Variants in ERBB4 observed in about 807,000 individuals in gnomAD.
ERBB4 encodes receptor tyrosine-protein kinase erbB-4.
Under a neutral mutation model 158.0 loss-of-function variants are expected in ERBB4, and 42 were observed. The ratio of observed to expected loss-of-function variants is 0.27; its 90% CI spans 0.21 to 0.34. ERBB4 has a LOEUF of 0.34. ERBB4 is among the 10% of genes least tolerant of loss of function. ERBB4 has a pLI of 1.00. For missense variants in ERBB4, 1,333 were observed against 1,624.1 expected, an observed-to-expected ratio of 0.82 and a Z score of 3.08; for synonymous variants, 583 against 558.7, an observed-to-expected ratio of 1.04 and a Z score of -0.61.
At chr2:212,395,882 G>C (rs921753409) in intron 1 of ERBB4, among the ~76,000 whole-genome samples, 2 of 152,084 alleles carry the variant, frequency 1.3e-5, no homozygotes, top group Non-Finnish European at 2.9e-5. Context: ...CTCCCAAAGT[G>C]ATGGGATTAC....
chr2:212,371,010 A>C (rs1444310825), intron 1 of ERBB4, among the ~76,000 whole-genome samples: 1 of 152,188 alleles, frequency 6.6e-6, no homozygotes, highest in South Asian at 2.1e-4. Context: ...GAAGAATCTC[A>C]AGATGACTAA....
At chr2:212,517,197 T>C (rs1268437949) in intron 1 of ERBB4, among the ~76,000 whole-genome samples, 1 of 152,162 alleles carries the variant, frequency 6.6e-6, no homozygotes, top group African/African-American at 2.4e-5. Flanking sequence ...TTCCTTTCTT[T>C]ATACAACATT....
chr2:211,860,986 T>C (rs1157339609), intron 3 of ERBB4, among the ~76,000 whole-genome samples: 2 of 86,258 alleles, frequency 2.3e-5, no homozygotes, highest in East Asian at 5.9e-4. Flanking sequence ...AAATATATTA[T>C]ATAATATAAT....
intron 20 of ERBB4, among the ~76,000 whole-genome samples, chr2:211,561,246 G>T (rs202206621): frequency 3.9e-5 from 6 of 152,092 alleles, no homozygotes; most frequent in African/African-American, 1.4e-4. Flanking sequence ...AAAAAATCCA[G>T]AATTCTGGCC....
chr2:212,486,280 A>G (rs1689975560), intron 1 of ERBB4, among the ~76,000 whole-genome samples: 1 of 151,510 alleles, frequency 6.6e-6, no homozygotes, highest in Non-Finnish European at 1.5e-5. Context: ...AAAAACATAA[A>G]ACACATGAAG....
chr2:212,080,331 A>C, intron 2 of ERBB4, among the ~76,000 whole-genome samples: 1 of 151,402 alleles, frequency 6.6e-6, no homozygotes, highest in Non-Finnish European at 1.5e-5. Flanking sequence ...TAAGAATAAA[A>C]ATAAAAATTA....
At chr2:212,178,293 T>TTA (rs2081741811) in intron 1 of ERBB4, among the ~76,000 whole-genome samples, 1 of 151,570 alleles carries the variant, frequency 6.6e-6, no homozygotes, top group Non-Finnish European at 1.5e-5. Flanking sequence ...ATGTTTAAGG[T>TTA]TTTATTTTGG....
intron 3 of ERBB4, among the ~76,000 whole-genome samples, chr2:211,891,477 TA>T (rs2078967330): frequency 8.8e-6 from 1 of 113,570 alleles, no homozygotes. Flanking sequence ...ATTGACACCC[TA>T]ACATCACAAT....
intron 3 of ERBB4, among the ~76,000 whole-genome samples, chr2:211,798,147 G>T (rs1269960923): frequency 6.6e-6 from 1 of 151,704 alleles, no homozygotes; most frequent in Non-Finnish European, 1.5e-5. Context: ...CTTCATTCCA[G>T]TCAATACTGC....
intron 3 of ERBB4, among the ~76,000 whole-genome samples, chr2:211,906,869 C>A (rs1321052171): frequency 6.6e-6 from 1 of 151,510 alleles, no homozygotes. Flanking sequence ...TAATAAAAGG[C>A]CTCCTGTGTT....
At chr2:212,000,031 T>C (rs1178942475) in intron 2 of ERBB4, among the ~76,000 whole-genome samples, 1 of 151,816 alleles carries the variant, frequency 6.6e-6, no homozygotes, top group East Asian at 1.9e-4. Flanking sequence ...CTTTCTAAAG[T>C]ATATTGTCAC....
At chr2:211,426,953 C>A (rs2063641650) in intron 22 of ERBB4, among the ~76,000 whole-genome samples, 1 of 151,842 alleles carries the variant, frequency 6.6e-6, no homozygotes, top group East Asian at 1.9e-4. Flanking sequence ...TTTTTCTATA[C>A]ACTTCTTACA....
intron 3 of ERBB4, among the ~76,000 whole-genome samples, chr2:211,923,216 G>A (rs1387096603): frequency 6.6e-6 from 1 of 152,122 alleles, no homozygotes; most frequent in Non-Finnish European, 1.5e-5. Context: ...CTGGGAAGGA[G>A]AGAAGGGAAT....
intron 1 of ERBB4, among the ~76,000 whole-genome samples, chr2:212,225,381 T>C (rs2083438425): frequency 1.3e-5 from 2 of 152,102 alleles, no homozygotes; most frequent in Non-Finnish European, 2.9e-5. Context: ...ATTGCTACCA[T>C]TTACATGAGG....
In ERBB4 at chr2:211,736,189, A is replaced by G. The variant is rs758417565; in HGVS notation, c.623-10995T>C. ...AAAAAAGGAAAAAAAAAAAAAGATA[A>G]TCATGTCCTCCTACAAGTCACATAA... On this transcript the variant is annotated intron_variant, in intron 5 of 27. Transcript: ENST00000342788. Among the ~76,000 whole-genome samples the G allele has an allele frequency of 2.6e-4, 40 of 151,886 alleles. 1 individual carries two copies. The highest frequency in any genetic ancestry group is 7.4e-5 in the Non-Finnish European group (5 of 67,956).
chr2:212,131,843 A>C (rs2125586100), intron 1 of ERBB4, among the ~76,000 whole-genome samples: 1 of 152,340 alleles, frequency 6.6e-6, no homozygotes, highest in Admixed American at 6.5e-5. Context: ...CAACAGGTAA[A>C]GAACCATAAC....
intron 1 of ERBB4, among the ~76,000 whole-genome samples, chr2:212,312,242 G>A (rs1160873630): frequency 6.6e-6 from 1 of 150,920 alleles, no homozygotes; most frequent in Non-Finnish European, 1.5e-5. Flanking sequence ...GTGAAACTGG[G>A]GAATTCCTAA....
At chr2:212,184,236 C>A (rs1457752937) in intron 1 of ERBB4, among the ~76,000 whole-genome samples, 1 of 152,044 alleles carries the variant, frequency 6.6e-6, no homozygotes, top group African/African-American at 2.4e-5. Flanking sequence ...CGATCCTTCC[C>A]TGAAATGACC....
At chr2:211,437,891 T>A (rs958980854) in intron 20 of ERBB4, among the ~76,000 whole-genome samples, 5 of 152,160 alleles carry the variant, frequency 3.3e-5, no homozygotes, top group Non-Finnish European at 7.4e-5. Context: ...GGAAAAAGAA[T>A]CCAACTATAA....
Sources: allele counts gnomAD v4.1 joint callset (sites outside exome capture counted in the v4.1 genomes callset), GRCh38; gene constraint gnomAD v4.1.1; transcripts MANE v1.5; gene names NCBI Gene and HGNC (gene_info 2026-07-23, HGNC 2026-07-21).